Variants in CTDSPL2 observed in about 807,000 individuals in gnomAD.
CTDSPL2 encodes the protein CTD small phosphatase-like protein 2.
In CTDSPL2, 5 loss-of-function variants were observed where a neutral mutation model predicts 60.0. The observed-to-expected ratio is 0.08, with a 90% CI of 0.04 to 0.18. The LOEUF (loss-of-function observed/expected upper bound fraction) is 0.18, where lower values mean the gene tolerates loss of function less well. Among genes scored for constraint, CTDSPL2 ranks in the 10% least tolerant of loss-of-function variants. The pLI is 1.00. For synonymous variants in CTDSPL2, 186 were observed against 189.3 expected, an observed-to-expected ratio of 0.98 and a Z score of 0.14; for missense variants, 370 against 548.8, an observed-to-expected ratio of 0.67 and a Z score of 3.26.
At chr15:44,493,287 G>A (rs1352480142) in intron 5 of CTDSPL2, among the ~76,000 whole-genome samples, 1 of 152,206 alleles carries the variant, frequency 6.6e-6, no homozygotes, top group Non-Finnish European at 1.5e-5. Context: ...TTTAGTATGA[G>A]TGACAAAAGT....
intron 1 of CTDSPL2, among the ~76,000 whole-genome samples, chr15:44,445,618 A>G (rs1334783955): frequency 6.6e-6 from 1 of 151,380 alleles, no homozygotes; most frequent in Non-Finnish European, 1.5e-5. Flanking sequence ...ATACCAGCCA[A>G]TTTGAAAACA....
At chr15:44,487,985 G>T (rs576718941) in intron 4 of CTDSPL2, among the ~76,000 whole-genome samples, 2 of 152,014 alleles carry the variant, frequency 1.3e-5, no homozygotes, top group African/African-American at 4.8e-5. Context: ...GGATGTGGTG[G>T]CATGTGCCTG....
intron 1 of CTDSPL2, among the ~76,000 whole-genome samples, chr15:44,456,655 C>G (rs532646536): frequency 1.3e-5 from 2 of 151,892 alleles, no homozygotes; most frequent in Admixed American, 1.3e-4. Flanking sequence ...GTCTTGCTAG[C>G]GTCCTGTCAA....
intron 8 of CTDSPL2, among the ~76,000 whole-genome samples, chr15:44,507,704 T>G (rs560356106): frequency 6.6e-6 from 1 of 152,364 alleles, no homozygotes; most frequent in East Asian, 1.9e-4. Context: ...GTTATCTCCC[T>G]CTTCCAAAAG....
intron 8 of CTDSPL2, among the ~76,000 whole-genome samples, chr15:44,513,562 G>T (rs551600093): frequency 6.6e-6 from 1 of 152,086 alleles, no homozygotes; most frequent in Admixed American, 6.6e-5. Flanking sequence ...TTTGTCATGG[G>T]GGCATTTTTG....
intron 1 of CTDSPL2, among the ~76,000 whole-genome samples, chr15:44,449,535 T>C (rs1385583999): frequency 6.6e-6 from 1 of 152,176 alleles, no homozygotes; most frequent in East Asian, 1.9e-4. Context: ...TTCACCATGT[T>C]GGCCAGGCTG....
At chr15:44,513,512 A>G (rs2081600757) in intron 8 of CTDSPL2, among the ~76,000 whole-genome samples, 1 of 152,128 alleles carries the variant, frequency 6.6e-6, no homozygotes, top group Non-Finnish European at 1.5e-5. Context: ...TTCTTAAGGA[A>G]ATTCTCTATT....
At chr15:44,444,906 GGC>G (rs1482613144) in intron 1 of CTDSPL2, among the ~76,000 whole-genome samples, 50 of 136,620 alleles carry the variant, frequency 3.7e-4, no homozygotes, top group Non-Finnish European at 4.0e-4. Context: ...GGAGTGCAGT[GGC>G]GCGATCTCAG....
In CTDSPL2 at chr15:44,453,935, T is replaced by A. The variant is rs563726827; in HGVS notation, c.-24-5056T>A. 9.2e-5 allele frequency among the ~76,000 whole-genome samples: 14 copies of A among 152,284 alleles called. 1 individual carries two copies. Among genetic ancestry groups the A allele is most frequent in the Admixed American group, 7.9e-4 (12 of 15,284 alleles). On this transcript the variant is annotated intron_variant, in intron 1 of 12. Transcript: ENST00000260327. ...GCATGATTTATAATCCTTTGGGTAT[T>A]TACCCAGTAATGGGATAGCTGGGTC...
chr15:44,510,589 C>T (rs1038025189), intron 8 of CTDSPL2, among the ~76,000 whole-genome samples: 3 of 151,886 alleles, frequency 2.0e-5, no homozygotes, highest in Admixed American at 6.6e-5. Context: ...TGGGAGATTA[C>T]ATAATTTTGA....
intron 12 of CTDSPL2, among the ~76,000 whole-genome samples, chr15:44,521,904 C>T (rs1159933616): frequency 7.0e-5 from 9 of 128,708 alleles, no homozygotes; most frequent in African/African-American, 3.0e-5. Context: ...CGCCACTGCA[C>T]TCCAGCCTGG....
intron 1 of CTDSPL2, among the ~76,000 whole-genome samples, chr15:44,456,139 C>T (rs1166810048): frequency 6.6e-6 from 1 of 152,052 alleles, no homozygotes; most frequent in Non-Finnish European, 1.5e-5. Context: ...CGTGAGCCAC[C>T]GCGCCCGGCC....
intron 1 of CTDSPL2, among the ~76,000 whole-genome samples, chr15:44,441,600 T>C (rs2080087313): frequency 6.6e-6 from 1 of 152,236 alleles, no homozygotes; most frequent in Admixed American, 6.5e-5. Context: ...CCATTGTTTC[T>C]TCCCGTGGTC....
chr15:44,442,544 C>A (rs1029821043), intron 1 of CTDSPL2, among the ~76,000 whole-genome samples: 1 of 151,544 alleles, frequency 6.6e-6, no homozygotes, highest in African/African-American at 2.4e-5. Context: ...TTTTTGTCTA[C>A]AGGTTATTTT....
chr15:44,446,003 G>T (rs1446928200), intron 1 of CTDSPL2, among the ~76,000 whole-genome samples: 1 of 142,546 alleles, frequency 7.0e-6, no homozygotes, highest in Non-Finnish European at 1.5e-5. Context: ...TAGGCTCACT[G>T]CAGCCTCCAC....
intron 1 of CTDSPL2, among the ~76,000 whole-genome samples, chr15:44,433,705 C>G (rs893453978): frequency 6.7e-6 from 1 of 149,770 alleles, no homozygotes; most frequent in Non-Finnish European, 1.5e-5. Context: ...GAGTCTCGCT[C>G]TGTCACCCAG....
At chr15:44,521,204 C>G in intron 11 of CTDSPL2, 107 bp from the exon 12 acceptor site, 1 of 542,738 alleles carries the variant, frequency 1.8e-6, no homozygotes, top group South Asian at 2.5e-5. Context: ...TTCAAAGGAA[C>G]TTTTAGATCA....
chr15:44,469,637 T>C (rs1053910141), intron 2 of CTDSPL2, among the ~76,000 whole-genome samples: 1 of 152,174 alleles, frequency 6.6e-6, no homozygotes, highest in African/African-American at 2.4e-5. Flanking sequence ...CTAGCACATA[T>C]TCTATCTTGT....
At chr15:44,488,602 CAGG>C (rs1595750675) in intron 4 of CTDSPL2, among the ~76,000 whole-genome samples, 1 of 152,200 alleles carries the variant, frequency 6.6e-6, no homozygotes, top group East Asian at 1.9e-4. Flanking sequence ...CACTTGAGGT[CAGG>C]AGTTCAAGAC....
Sources: gnomAD v4.1 joint callset for allele counts (sites outside exome capture counted in the v4.1 genomes callset) on GRCh38, gnomAD v4.1.1 for gene constraint, MANE v1.5 for transcripts, NCBI Gene and HGNC (gene_info 2026-07-23, HGNC 2026-07-21) for gene names.